The following NBEA variants were observed in gnomAD, a reference collection of about 807,000 sequenced individuals.
The protein encoded by NBEA is lysosomal-trafficking regulator 2.
A neutral mutation model predicts 343.4 loss-of-function variants in NBEA; 44 were observed. That is an observed-to-expected ratio of 0.13 (90% CI 0.10 to 0.16). The LOEUF is 0.16. NBEA is among the 10% of genes least tolerant of loss of function. NBEA has a pLI of 1.00. For synonymous variants in NBEA, 1,175 were observed against 1,238.7 expected, an observed-to-expected ratio of 0.95 and a Z score of 1.08; for missense variants, 2,555 against 3,631.3, an observed-to-expected ratio of 0.70 and a Z score of 7.62.
chr13:35,183,008 CAT>C (rs569830768), intron 29 of NBEA, among the ~76,000 whole-genome samples: 3 of 152,008 alleles, frequency 2.0e-5, no homozygotes, highest in South Asian at 2.1e-4. Context: ...TATAATCAAA[CAT>C]GTGTTCTAAA....
At chr13:35,433,784 A>G (rs926128124) in intron 39 of NBEA, among the ~76,000 whole-genome samples, 2 of 152,080 alleles carry the variant, frequency 1.3e-5, no homozygotes, top group African/African-American at 4.8e-5. Context: ...TACCAACTCA[A>G]AATGAGTTAT....
At chr13:35,307,771 G>A (rs1235657796) in intron 35 of NBEA, among the ~76,000 whole-genome samples, 2 of 152,010 alleles carry the variant, frequency 1.3e-5, no homozygotes, top group East Asian at 3.9e-4. Flanking sequence ...TCTGAGAAAT[G>A]TATGTATTTT....
Position 35,157,729 on chromosome 13 carries a change from G to T in NBEA, c.2844+459G>T, listed in dbSNP as rs2069271945. Among the ~76,000 whole-genome samples the T allele has an allele frequency of 2.0e-5, 3 of 151,716 alleles. No individual in the cohort carries two copies. The South Asian group carries it at 6.2e-4, about 32-fold the overall frequency. ...TCTTTATTTTTAATCTTAAAAATCTGTATGTCTATTTTAAGTATTATTTGA... is the reference window on the plus strand; with the variant it reads ...TCTTTATTTTTAATCTTAAAAATCTTTATGTCTATTTTAAGTATTATTTGA... On this transcript the variant is annotated intron_variant, in intron 21 of 58. Coordinates refer to ENST00000379939, the MANE Select transcript of NBEA (RefSeq NM_001385012.1).
At chr13:35,572,008 A>C (rs894254113) in intron 45 of NBEA, among the ~76,000 whole-genome samples, 3 of 152,134 alleles carry the variant, frequency 2.0e-5, no homozygotes, top group Non-Finnish European at 4.4e-5. Flanking sequence ...TAGACATCAC[A>C]GGTTCAAGTT....
At position 35,408,703 on chromosome 13, in the gene NBEA, T is replaced by C. The variant is rs117954048; in HGVS notation, c.6180-23566T>C. 1.6e-4 allele frequency among the ~76,000 whole-genome samples: 24 copies of C among 152,088 alleles called. No homozygotes were observed. In the East Asian group the frequency reaches 4.3e-3, roughly 27 times the overall value. On this transcript the variant is annotated intron_variant, in intron 38 of 58. Coordinates refer to ENST00000379939, the MANE Select transcript of NBEA (RefSeq NM_001385012.1). ...TAAAAATGGGAAAGAACATGAACAC[T>C]TTTCAAAAGAAGACATATATGTAGC... is the stretch of plus-strand genomic sequence containing the variant.
chr13:35,046,961 C>T (rs978933901), intron 4 of NBEA, among the ~76,000 whole-genome samples: 7 of 151,870 alleles, frequency 4.6e-5, no homozygotes, highest in African/African-American at 1.7e-4. Flanking sequence ...TCACATCTTC[C>T]GTTCATTTAA....
At chr13:35,326,641 C>T (rs1258188861) in intron 36 of NBEA, among the ~76,000 whole-genome samples, 1 of 151,844 alleles carries the variant, frequency 6.6e-6, no homozygotes, top group Non-Finnish European at 1.5e-5. Flanking sequence ...ATTATCTTGC[C>T]TGATTGCTCT....
intron 38 of NBEA, among the ~76,000 whole-genome samples, chr13:35,401,088 ATTTG>A (rs1301633840): frequency 6.6e-6 from 1 of 151,966 alleles, no homozygotes; most frequent in African/African-American, 2.4e-5. Flanking sequence ...TTATTTATCT[ATTTG>A]TTCTCCTTTC....
rs905251688 is a variant in NBEA at position 35,671,665 on chromosome 13, G to A, written c.*674G>A. The stretch of plus-strand genomic sequence containing the variant: ...TGACATTTTCACCAAAATATAGTTT[G>A]CACTTTTTAATCTAAAGTCATCCCT... On this transcript the variant is annotated 3_prime_UTR_variant, in exon 59 of 59. Coordinates refer to ENST00000379939, the MANE Select transcript of NBEA (RefSeq NM_001385012.1). The A allele has an allele frequency of 6.6e-6, 1 of 152,616 alleles. No homozygotes were observed. Among genetic ancestry groups the A allele is most frequent in the Non-Finnish European group, 1.5e-5 (1 of 68,056 alleles). The allele number at this position is 152,616 out of a possible 1,614,324, so 9.5% of individuals were successfully genotyped here. A position where few individuals can be genotyped will look rare whatever the true frequency, so the allele number is the denominator to read the frequency against.
chr13:35,285,672 A>G (rs1047217977), intron 34 of NBEA, among the ~76,000 whole-genome samples: 1 of 152,148 alleles, frequency 6.6e-6, no homozygotes, highest in African/African-American at 2.4e-5. Flanking sequence ...CATTGTCACC[A>G]TCTTGAGCTC....
chr13:35,309,908 T>C (rs2037242211), intron 36 of NBEA, among the ~76,000 whole-genome samples: 2 of 152,158 alleles, frequency 1.3e-5, no homozygotes, highest in Non-Finnish European at 2.9e-5. Flanking sequence ...CCACTCCATC[T>C]GTTTTCAGAG....
At chr13:35,624,583 C>A (rs529787281) in intron 48 of NBEA, among the ~76,000 whole-genome samples, 3 of 151,676 alleles carry the variant, frequency 2.0e-5, no homozygotes, top group African/African-American at 7.3e-5. Context: ...AATAAATGTT[C>A]CTGAATAGCC....
intron 18 of NBEA, among the ~76,000 whole-genome samples, chr13:35,143,606 G>C (rs1420436158): frequency 6.6e-6 from 1 of 152,152 alleles, no homozygotes; most frequent in Non-Finnish European, 1.5e-5. Context: ...CAGAAGAGCA[G>C]TGGTCAGAAA....
At chr13:35,659,250 C>T (rs1316543484) in intron 55 of NBEA, among the ~76,000 whole-genome samples, 1 of 152,092 alleles carries the variant, frequency 6.6e-6, no homozygotes, top group African/African-American at 2.4e-5. Flanking sequence ...AGGGATTGGC[C>T]TTGGTGTGGA....
rs914842128 is a variant in NBEA at position 35,520,632 on chromosome 13, C to T, written c.6586-29845C>T. 3.9e-5 allele frequency among the ~76,000 whole-genome samples: 6 copies of T among 152,156 alleles called. No individual in the cohort carries two copies. The South Asian group carries it at 1.2e-3, about 32-fold the overall frequency. On this transcript the variant is annotated intron_variant, in intron 41 of 58. Coordinates refer to ENST00000379939, the MANE Select transcript of NBEA (RefSeq NM_001385012.1). Reference sequence around the variant, plus strand: ...CAACCAAGTGACCAGTGATCTCTCTCTCTTTTTTCCAACTAGCTTCAGGAA... The same window carrying T: ...CAACCAAGTGACCAGTGATCTCTCTTTCTTTTTTCCAACTAGCTTCAGGAA...
At chr13:35,522,562 C>T (rs917279894) in intron 41 of NBEA, among the ~76,000 whole-genome samples, 2 of 148,772 alleles carry the variant, frequency 1.3e-5, no homozygotes, top group African/African-American at 4.9e-5. Context: ...TAAGGGTTGC[C>T]GGAGGTTAGA....
intron 41 of NBEA, chr13:35,476,423 GTC>G (rs1247800041): frequency 1.0e-6 from 1 of 961,474 alleles, no homozygotes; most frequent in Non-Finnish European, 1.6e-6. Flanking sequence ...CCCTCTGCTT[GTC>G]TCTCTTCCTC....
intron 53 of NBEA, among the ~76,000 whole-genome samples, chr13:35,654,648 G>T (rs1427028212): frequency 6.6e-6 from 1 of 151,874 alleles, no homozygotes; most frequent in Admixed American, 6.6e-5. Flanking sequence ...AAAATTTCTG[G>T]CATAATTTTA....
intron 1 of NBEA, among the ~76,000 whole-genome samples, chr13:34,960,948 G>T (rs1340342635): frequency 6.6e-6 from 1 of 152,114 alleles, no homozygotes; most frequent in East Asian, 1.9e-4. Context: ...ATGACAAACT[G>T]TCACTCAGTG....
Sources: allele counts gnomAD v4.1 joint callset (sites outside exome capture counted in the v4.1 genomes callset), GRCh38; gene constraint gnomAD v4.1.1; transcripts MANE v1.5; gene names NCBI Gene and HGNC (gene_info 2026-07-23, HGNC 2026-07-21).